The following CFH variants were observed in gnomAD, a reference collection of about 807,000 sequenced individuals.
CFH encodes the protein H factor 1 (complement).
In CFH, 53 loss-of-function variants were observed where a neutral mutation model predicts 147.3. That is an observed-to-expected ratio of 0.36 (90% CI 0.29 to 0.45). The LOEUF (loss-of-function observed/expected upper bound fraction) is 0.45. Ranked by LOEUF, CFH falls within the 20% of genes least tolerant of loss-of-function variation. CFH has a pLI of 1.00. For synonymous variants in CFH, 536 were observed against 489.4 expected, an observed-to-expected ratio of 1.10 and a Z score of -1.26; for missense variants, 1,380 against 1,498.0, an observed-to-expected ratio of 0.92 and a Z score of 1.30.
At chr1:196,708,197 G>A (rs562985918) in intron 9 of CFH, among the ~76,000 whole-genome samples, 5 of 152,224 alleles carry the variant, frequency 3.3e-5, no homozygotes, top group Admixed American at 6.5e-5. Flanking sequence ...TATTGCCACT[G>A]GAAGAAACTT....
Position 196,690,254 on chromosome 1 carries a change from C to T in CFH, c.1336+15C>T. On this transcript the variant is annotated intron_variant, in intron 9 of 21. Coordinates refer to ENST00000367429, the MANE Select transcript of CFH (RefSeq NM_000186.4). The stretch of plus-strand genomic sequence containing the variant: ...CATCCGTGTCAGTAAGTACACTACT[C>T]TGAAATCCTAGCATGTTCATGTCTT... 1 of 1,612,812 alleles carries T rather than the reference C, an allele frequency of 6.2e-7. No homozygotes were observed. The highest frequency in any genetic ancestry group is 1.1e-5 in the South Asian group (1 of 91,076).
At chr1:196,723,332 T>C (rs1669048349) in intron 11 of CFH, among the ~76,000 whole-genome samples, 1 of 152,128 alleles carries the variant, frequency 6.6e-6, no homozygotes, top group Admixed American at 6.6e-5. Context: ...AAGACTCTGT[T>C]TGAGTACCTT....
chr1:196,656,679 G>A (rs572827812), intron 1 of CFH, among the ~76,000 whole-genome samples: 1 of 136,682 alleles, frequency 7.3e-6, no homozygotes, highest in East Asian at 2.1e-4. Context: ...GGTACAATGT[G>A]TGTTGCGTTT....
rs1652824181 is a variant in CFH, at chr1:196,742,027, T to C, written c.3109T>C (p.Trp1037Arg). The C allele has an allele frequency of 4.3e-6, 7 of 1,614,152 alleles. No individual in the cohort carries two copies. The highest frequency in any genetic ancestry group is 5.9e-6 in the Non-Finnish European group (7 of 1,180,020). ...ASNVTCINSR[W>R]TGRPTCRDTS... is the part of the protein sequence containing the mutation. ...TAATGTAACATGCATTAATAGCAGA[T>C]GGACAGGAAGGCCAACATGCAGAGG... Residue 1037 changes from tryptophan to arginine, a missense_variant, in exon 19 of 22, where the codon TGG becomes CGG. Physicochemically the swap from Trp to Arg is moderately radical, Grantham distance 101. Around this residue, in one of 4 missense-constraint regions of CFH, gnomAD observed 830 missense variants for 821.4 expected, o/e 1.01. Coordinates refer to ENST00000367429, the MANE Select transcript of CFH (RefSeq NM_000186.4).
intron 5 of CFH, 151 bp from the exon 6 acceptor site, chr1:196,679,472 C>A: frequency 3.7e-6 from 2 of 545,378 alleles, no homozygotes; most frequent in African/African-American, 1.9e-5. Context: ...TCAGATAAAT[C>A]ATTTATTAAG....
chr1:196,691,129 A>G (rs879609486), intron 9 of CFH, among the ~76,000 whole-genome samples: 1 of 152,068 alleles, frequency 6.6e-6, no homozygotes, highest in Admixed American at 6.6e-5. Context: ...ATCTGCCTAA[A>G]CAATTTTTTC....
At chr1:196,699,086 T>C (rs1668374158) in intron 9 of CFH, among the ~76,000 whole-genome samples, 2 of 152,132 alleles carry the variant, frequency 1.3e-5, no homozygotes, top group Non-Finnish European at 1.5e-5. Context: ...TAAAAACCCA[T>C]AGCAAATATC....
intron 5 of CFH, 152 bp from the exon 6 acceptor site, chr1:196,679,471 T>C: frequency 1.8e-6 from 1 of 549,126 alleles, no homozygotes; most frequent in East Asian, 3.0e-5. Context: ...TTCAGATAAA[T>C]CATTTATTAA....
chr1:196,677,308 T>A, intron 4 of CFH, 168 bp from the exon 5 acceptor site: 1 of 617,078 alleles, frequency 1.6e-6, no homozygotes, highest in Non-Finnish European at 2.8e-6. Context: ...TCCATTTGCT[T>A]GTTTCTTAGA....
chr1:196,683,572 G>A (rs1314675654), intron 6 of CFH, among the ~76,000 whole-genome samples: 1 of 151,744 alleles, frequency 6.6e-6, no homozygotes, highest in Admixed American at 6.6e-5. Context: ...CTGAAAATTG[G>A]AAAAGCTTCC....
chr1:196,747,293 C>G lies in CFH; in HGVS notation c.3676C>G (p.Pro1226Ala). The G allele has an allele frequency of 1.2e-6, 2 of 1,614,022 alleles. No individual in the cohort carries two copies. Among genetic ancestry groups the G allele is most frequent in the Non-Finnish European group, 1.7e-6 (2 of 1,179,962 alleles). ...ATGTTGGGATGGGAAACTGGAGTAT[C>G]CAACTTGTGCAAAAAGATAGAATCA... ...TTCWDGKLEY[P>A]TCAKR is the part of the protein sequence containing the mutation. The change falls in exon 22 of 22, where the codon CCA becomes GCA. Residue 1226 changes from proline (P) to alanine (A), a missense_variant. Pro to Ala is a conservative substitution (Grantham distance 27). Transcript: ENST00000367429.
rs1285851637 is a variant in CFH, at chr1:196,677,509, A to G, written c.461A>G (p.Asn154Ser). The G allele has an allele frequency of 6.2e-7, 1 of 1,613,056 alleles. No individual in the cohort carries two copies. The highest frequency in any genetic ancestry group is 1.3e-5 in the African/African-American group (1 of 74,858). Residue 154 changes from asparagine (N) to serine (S), a missense_variant, in exon 5 of 22, where the codon AAT (asparagine) becomes AGT (serine). By Grantham distance (46) the Asn-to-Ser change is conservative. This residue lies in a region of CFH where 260 missense variants were observed against 263.3 expected (regional missense o/e 0.99). Coordinates refer to ENST00000367429, the MANE Select transcript of CFH (RefSeq NM_000186.4). Reference sequence around the variant, plus strand: ...TGTTTACCAGTGACAGCACCAGAGAATGGAAAAATTGTCAGTAGTGCAATG... The same window carrying G: ...TGTTTACCAGTGACAGCACCAGAGAGTGGAAAAATTGTCAGTAGTGCAATG... ...VKCLPVTAPE[N>S]GKIVSSAMEP...
intron 9 of CFH, among the ~76,000 whole-genome samples, chr1:196,706,942 A>G (rs1046547308): frequency 4.6e-5 from 7 of 152,262 alleles, no homozygotes; most frequent in Middle Eastern, 3.4e-3. Flanking sequence ...AAACAAAATC[A>G]TTCCGCTGCA....
intron 6 of CFH, among the ~76,000 whole-genome samples, chr1:196,682,835 T>C (rs1667701970): frequency 6.6e-6 from 1 of 151,684 alleles, no homozygotes. Context: ...TTATTGCTAA[T>C]CTAAATATAT....
At chr1:196,671,586 A>T (rs1449040725) in intron 1 of CFH, among the ~76,000 whole-genome samples, 1 of 126,530 alleles carries the variant, frequency 7.9e-6, no homozygotes. Flanking sequence ...CAAAAGACTA[A>T]TACACACACA....
In CFH at chr1:196,690,164, G is replaced by C. The variant is rs374159003; in HGVS notation, c.1261G>C (p.Ala421Pro). The C allele has an allele frequency of 6.2e-7, 1 of 1,613,372 alleles. No individual in the cohort carries two copies. The highest frequency in any genetic ancestry group is 1.3e-5 in the African/African-American group (1 of 74,976). Reference protein sequence around the residue: ...SIDVACHPGYALPKAQTTVTC... With the variant: ...SIDVACHPGYPLPKAQTTVTC... ...AGACGTTGCCTGCCATCCTGGCTAC[G>C]CTCTTCCAAAAGCGCAGACCACAGT... The change falls in exon 9 of 22, where the codon GCT becomes CCT. Residue 421 changes from alanine (A) to proline (P), a missense_variant. Around this residue, in one of 4 missense-constraint regions of CFH, gnomAD observed 830 missense variants for 821.4 expected, o/e 1.01. Transcript: ENST00000367429.
chr1:196,734,625 G>T (rs1669358737), intron 15 of CFH, among the ~76,000 whole-genome samples: 1 of 152,046 alleles, frequency 6.6e-6, no homozygotes, highest in African/African-American at 2.4e-5. Flanking sequence ...AAAGGGAATT[G>T]TTTCCAGTAT....
intron 1 of CFH, among the ~76,000 whole-genome samples, chr1:196,668,047 G>A (rs1667155884): frequency 6.6e-6 from 1 of 151,986 alleles, no homozygotes; most frequent in Non-Finnish European, 1.5e-5. Flanking sequence ...ATGGTCTATT[G>A]ATTTAAACAG....
chr1:196,732,130 C>T (rs1669294153), intron 15 of CFH, among the ~76,000 whole-genome samples: 1 of 151,868 alleles, frequency 6.6e-6, no homozygotes, highest in Non-Finnish European at 1.5e-5. Flanking sequence ...TACGTTATTC[C>T]ACATGGTAGT....
Sources: gnomAD v4.1 joint callset for allele counts (sites outside exome capture counted in the v4.1 genomes callset) on GRCh38, gnomAD v4.1.1 for gene constraint, gnomAD v4.1.1 regional missense constraint, MANE v1.5 for transcripts, NCBI Gene and HGNC (gene_info 2026-07-23, HGNC 2026-07-21) for gene names.